PRDM16: variants seen among roughly 807,000 people sequenced by gnomAD.
PRDM16 encodes the protein histone-lysine N-methyltransferase PRDM16.
PRDM16 carries 23 observed loss-of-function variants against 110.6 expected under a neutral mutation model. The ratio of observed to expected loss-of-function variants is 0.21; its 90% CI spans 0.15 to 0.29. PRDM16 has a LOEUF of 0.29. Ranked by LOEUF, PRDM16 falls within the 10% of genes least tolerant of loss-of-function variation. The pLI, the probability that PRDM16 is intolerant of heterozygous loss-of-function variation, is 1.00. For missense variants in PRDM16, 1,615 were observed against 1,794.3 expected (o/e 0.90, Z 1.81); for synonymous variants, 799 against 781.8 (o/e 1.02, Z -0.37).
intron 3 of PRDM16, among the ~76,000 whole-genome samples, chr1:3,352,299 C>T (rs1642510618): frequency 6.6e-6 from 1 of 152,142 alleles, no homozygotes; most frequent in African/African-American, 2.4e-5. Flanking sequence ...CCCAGCCGTG[C>T]CCACCCCTCC....
At chr1:3,220,309 C>T (rs1315622205) in intron 2 of PRDM16, among the ~76,000 whole-genome samples, 2 of 152,204 alleles carry the variant, frequency 1.3e-5, no homozygotes, top group Non-Finnish European at 2.9e-5. Flanking sequence ...TCATAGCAGC[C>T]GGCCAGGGCA....
intron 3 of PRDM16, among the ~76,000 whole-genome samples, chr1:3,365,961 TGCACACAC>T (rs1642805426): frequency 6.6e-6 from 1 of 151,082 alleles, no homozygotes; most frequent in Non-Finnish European, 1.5e-5. Context: ...CATGCACACA[TGCACACAC>T]ACGCACACAC....
intron 1 of PRDM16, chr1:3,133,506 C>T (rs1643375891): frequency 6.6e-6 from 1 of 152,298 alleles, no homozygotes; most frequent in Admixed American, 6.5e-5. Context: ...CAGGGTCTGT[C>T]CAGAACTGCT....
intron 1 of PRDM16, among the ~76,000 whole-genome samples, chr1:3,101,265 T>C (rs1642526893): frequency 6.6e-6 from 1 of 152,136 alleles, no homozygotes; most frequent in Non-Finnish European, 1.5e-5. Context: ...GCACCTCAGC[T>C]AATCACCAGC....
At chr1:3,129,484 G>T (rs1334127332) in intron 1 of PRDM16, among the ~76,000 whole-genome samples, 2 of 152,162 alleles carry the variant, frequency 1.3e-5, no homozygotes, top group African/African-American at 4.8e-5. Flanking sequence ...TGTGTGGCCT[G>T]TGCACTCACA....
At chr1:3,231,073 G>A (rs534683383) in intron 2 of PRDM16, among the ~76,000 whole-genome samples, 6 of 152,274 alleles carry the variant, frequency 3.9e-5, no homozygotes, top group African/African-American at 1.4e-4. Context: ...TGTCTCTGCC[G>A]TGGGCCGGGG....
At chr1:3,342,130 C>T (rs944426938) in intron 3 of PRDM16, among the ~76,000 whole-genome samples, 8 of 152,166 alleles carry the variant, frequency 5.3e-5, no homozygotes, top group African/African-American at 1.7e-4. Flanking sequence ...AGGGGAGCCT[C>T]GTGCCGGCGT....
chr1:3,221,707 A>T (rs145666042), intron 2 of PRDM16, among the ~76,000 whole-genome samples: 8 of 152,344 alleles, frequency 5.3e-5, no homozygotes, highest in Admixed American at 2.0e-4. Context: ...GGATGCCCCC[A>T]TGTACACGCA....
chr1:3,100,278 G>A (rs1057425321), intron 1 of PRDM16, among the ~76,000 whole-genome samples: 21 of 152,176 alleles, frequency 1.4e-4, no homozygotes, highest in African/African-American at 4.1e-4. Context: ...TAGCAGCAAC[G>A]CCACATCACA....
At chr1:3,219,769 C>T (rs1223152737) in intron 2 of PRDM16, among the ~76,000 whole-genome samples, 1 of 152,182 alleles carries the variant, frequency 6.6e-6, no homozygotes. Context: ...TGTAACCGCC[C>T]GCCTGCCCTG....
chr1:3,181,196 TCTTACACAC>T (rs1557508278), intron 1 of PRDM16, among the ~76,000 whole-genome samples: 12 of 126,122 alleles, frequency 9.5e-5, no homozygotes, highest in South Asian at 2.8e-4. Flanking sequence ...AGTCTTACGG[TCTTACACAC>T]GGTCTTACAC....
chr1:3,272,364 G>T (rs1640475127), intron 3 of PRDM16, among the ~76,000 whole-genome samples: 2 of 152,196 alleles, frequency 1.3e-5, no homozygotes, highest in Admixed American at 1.3e-4. Flanking sequence ...TGAGGCCAAG[G>T]CTGGATGTGT....
At chr1:3,409,676 G>A (rs1643636148) in intron 8 of PRDM16, among the ~76,000 whole-genome samples, 1 of 151,338 alleles carries the variant, frequency 6.6e-6, no homozygotes, top group Non-Finnish European at 1.5e-5. Context: ...TGTCTGTGGT[G>A]TGTGTGTGCG....
intron 1 of PRDM16, among the ~76,000 whole-genome samples, chr1:3,170,695 CG>C (rs947906330): frequency 1.3e-5 from 2 of 152,050 alleles, no homozygotes; most frequent in African/African-American, 4.8e-5. Flanking sequence ...AGGCGGGGCC[CG>C]GGGGAGCAGG....
intron 3 of PRDM16, among the ~76,000 whole-genome samples, chr1:3,253,227 T>A (rs7513410): frequency 6.6e-6 from 1 of 151,718 alleles, no homozygotes; most frequent in Non-Finnish European, 1.5e-5. Context: ...ATTATTATAC[T>A]TTAAGTTTTA....
At position 3,075,977 on chromosome 1, in the gene PRDM16, A is replaced by G. The variant is rs116638562; in HGVS notation, c.37+6681A>G. On this transcript the variant is annotated intron_variant, in intron 1 of 16. Coordinates refer to ENST00000270722, the MANE Select transcript of PRDM16 (RefSeq NM_022114.4). The stretch of plus-strand genomic sequence containing the variant: ...AGGAGTCACGCACTAGGCTTGACCA[A>G]GAGTGAGCCAAGCCCCCCACGCGTG... 4.4e-3 allele frequency among the ~76,000 whole-genome samples: 674 copies of G among 152,320 alleles called. 5 individuals are homozygous for G. The highest frequency in any genetic ancestry group is 0.015 in the African/African-American group (620 of 41,568).
At chr1:3,403,237 T>C (rs1250264555) in intron 6 of PRDM16, among the ~76,000 whole-genome samples, 1 of 152,174 alleles carries the variant, frequency 6.6e-6, no homozygotes, top group Non-Finnish European at 1.5e-5. Flanking sequence ...AGGTGTCCCC[T>C]GGCTCCGACC....
intron 3 of PRDM16, among the ~76,000 whole-genome samples, chr1:3,381,914 G>C (rs2100599886): frequency 6.6e-6 from 1 of 152,350 alleles, no homozygotes; most frequent in Admixed American, 6.5e-5. Context: ...CACCTGTACA[G>C]GGGCTGTGAG....
At chr1:3,237,245 T>TC (rs1385260287) in intron 2 of PRDM16, among the ~76,000 whole-genome samples, 8 of 151,494 alleles carry the variant, frequency 5.3e-5, no homozygotes, top group Admixed American at 6.6e-5. Flanking sequence ...ATGGCAGAGC[T>TC]CCCCCCAGGC....
Sources: allele counts gnomAD v4.1 joint callset (sites outside exome capture counted in the v4.1 genomes callset), GRCh38; gene constraint gnomAD v4.1.1; transcripts MANE v1.5; gene names NCBI Gene and HGNC (gene_info 2026-07-23, HGNC 2026-07-21).